COL6A6: variants seen among roughly 807,000 people sequenced by gnomAD.
The protein encoded by COL6A6 is collagen type VI alpha 6 chain.
COL6A6 carries 183 observed loss-of-function variants against 208.6 expected under a neutral mutation model. That is an observed-to-expected ratio of 0.88 (90% CI 0.78 to 0.99). COL6A6 has a LOEUF of 0.99. Among genes scored for constraint, COL6A6 ranks in the 50% least tolerant of loss-of-function variants. The pLI, the probability that COL6A6 is intolerant of heterozygous loss-of-function variation, is 0.00. For synonymous variants in COL6A6, 973 were observed against 1,011.8 expected, an observed-to-expected ratio of 0.96 and a Z score of 0.73; for missense variants, 2,816 against 2,815.2, an observed-to-expected ratio of 1.00 and a Z score of -0.01.
At chr3:130,521,587 C>T (rs576356157) in intron 1 of COL6A6, among the ~76,000 whole-genome samples, 5 of 152,210 alleles carry the variant, frequency 3.3e-5, no homozygotes, top group Non-Finnish European at 5.9e-5. Context: ...CTGCTGGCTA[C>T]AGATAATGTG....
At chr3:130,600,544 C>T (rs956961873) in intron 20 of COL6A6, among the ~76,000 whole-genome samples, 10 of 152,114 alleles carry the variant, frequency 6.6e-5, no homozygotes, top group African/African-American at 1.7e-4. Context: ...CATAAAAAGG[C>T]ATGAGATCAT....
intron 1 of COL6A6, among the ~76,000 whole-genome samples, chr3:130,521,640 G>A (rs1331471527): frequency 6.6e-6 from 1 of 152,188 alleles, no homozygotes; most frequent in Non-Finnish European, 1.5e-5. Flanking sequence ...TTCTTTTAGT[G>A]CATGCTGGAG....
chr3:130,634,581 C>G lies in COL6A6; in HGVS notation c.4993-9C>G. 3 of 1,603,754 alleles carry G rather than the reference C, an allele frequency of 1.9e-6. No individual in the cohort carries two copies. Among genetic ancestry groups the G allele is most frequent in the Non-Finnish European group, 2.6e-6 (3 of 1,174,356 alleles). On this transcript the variant is annotated splice_polypyrimidine_tract_variant and intron_variant, in intron 26 of 36. Transcript: ENST00000358511. ...TGCCTGTATAAATCTTTCCTCCTGTCCATTACAGGGACAAGAAGGATTCCC... is the reference window on the plus strand; with the variant it reads ...TGCCTGTATAAATCTTTCCTCCTGTGCATTACAGGGACAAGAAGGATTCCC...
rs1418154493 is a variant in COL6A6 at position 130,662,252 on chromosome 3, A to C, written c.6446A>C (p.Lys2149Thr). The C allele has an allele frequency of 6.2e-7, 1 of 1,614,020 alleles. No individual in the cohort carries two copies. Among genetic ancestry groups the C allele is most frequent in the Admixed American group, 1.7e-5 (1 of 60,030 alleles). Residue 2149 changes from lysine to threonine, a missense_variant, in exon 35 of 37, where the codon AAA becomes ACA. By Grantham distance (78) the Lys-to-Thr change is moderately conservative (BLOSUM62 -1). Coordinates refer to ENST00000358511, the MANE Select transcript of COL6A6 (RefSeq NM_001102608.3). ...HHLVQLGRIH[K>T]PDHSYGVKFV... The stretch of plus-strand genomic sequence containing the variant: ...CTGGTCCAGCTTGGCCGAATTCATA[A>C]ACCTGACCACAGTTATGGTGTGAAG...
Position 130,658,708 on chromosome 3 carries a change from G to C in COL6A6, c.5766G>C (p.Val1922=). The C allele has an allele frequency of 1.2e-6, 2 of 1,613,064 alleles. No homozygotes were observed. Among genetic ancestry groups the C allele is most frequent in the Non-Finnish European group, 1.7e-6 (2 of 1,179,522 alleles). The change falls in exon 34 of 37, where the codon GTG becomes GTC. Residue 1922 remains valine (V), a synonymous_variant. Transcript: ENST00000358511. ...IDDTGTFQVI[V]VPSGADYIPA... is the part of the protein sequence containing the mutation. ...ACACTGGCACATTTCAAGTAATAGT[G>C]GTTCCCTCCGGGGCCGACTACATAC...
chr3:130,582,447 T>C (rs1365878861), intron 10 of COL6A6, among the ~76,000 whole-genome samples: 1 of 152,168 alleles, frequency 6.6e-6, no homozygotes, highest in Non-Finnish European at 1.5e-5. Flanking sequence ...TGAGAGTCAG[T>C]TTTCTTCTAA....
chr3:130,595,806 T>C (rs531354872), intron 18 of COL6A6, among the ~76,000 whole-genome samples: 1 of 152,364 alleles, frequency 6.6e-6, no homozygotes, highest in African/African-American at 2.4e-5. Context: ...ATATTTATAT[T>C]GGGTCTATAT....
chr3:130,675,697 T>C lies in COL6A6; in HGVS notation c.*300T>C, dbSNP rs1287139611. 1 of 241,440 alleles carries C rather than the reference T, an allele frequency of 4.1e-6. No individual in the cohort carries two copies. Among genetic ancestry groups the C allele is most frequent in the Non-Finnish European group, 8.0e-6 (1 of 125,166 alleles). 15.0% of individuals were successfully genotyped at this position (241,440 alleles called of 1,614,324 possible). ...GTAAAATTTATATGATGTATGCATA[T>C]GTGTACATGGGTCAATGTTAATTCT... On this transcript the variant is annotated 3_prime_UTR_variant, in exon 37 of 37. Coordinates refer to ENST00000358511, the MANE Select transcript of COL6A6 (RefSeq NM_001102608.3).
intron 33 of COL6A6, among the ~76,000 whole-genome samples, chr3:130,653,882 C>T (rs767821103): frequency 2.6e-5 from 4 of 152,132 alleles, no homozygotes; most frequent in Non-Finnish European, 5.9e-5. Context: ...CCCCATAAAA[C>T]AACTCACTAG....
At chr3:130,622,476 A>G (rs1322289382) in intron 24 of COL6A6, among the ~76,000 whole-genome samples, 1 of 152,154 alleles carries the variant, frequency 6.6e-6, no homozygotes, top group East Asian at 1.9e-4. Context: ...ACAATCTATG[A>G]CATAAAATAA....
intron 20 of COL6A6, among the ~76,000 whole-genome samples, chr3:130,601,088 TA>T (rs2064003831): frequency 6.6e-6 from 1 of 152,194 alleles, no homozygotes; most frequent in Non-Finnish European, 1.5e-5. Flanking sequence ...GAGATAACTT[TA>T]ATAAAATATA....
At chr3:130,675,116 A>G in intron 36 of COL6A6, 86 bp from the exon 37 acceptor site, 2 of 880,034 alleles carry the variant, frequency 2.3e-6, no homozygotes, top group Non-Finnish European at 3.2e-6. Context: ...TGGGTGAAAC[A>G]ATTAATTTAC....
chr3:130,565,660 T>G (rs377462836), intron 4 of COL6A6, 46 bp downstream of exon 4: 28 of 1,538,052 alleles, frequency 1.8e-5, no homozygotes, highest in Non-Finnish European at 2.3e-5. Flanking sequence ...TCTTTTTTTC[T>G]TCTCTTTCAA....
chr3:130,546,972 C>T (rs1189505168), intron 1 of COL6A6, among the ~76,000 whole-genome samples: 3 of 152,266 alleles, frequency 2.0e-5, no homozygotes, highest in South Asian at 4.1e-4. Context: ...CTCCAAGTCC[C>T]CACCCAACTC....
intron 33 of COL6A6, among the ~76,000 whole-genome samples, chr3:130,652,244 C>T (rs2065666727): frequency 6.6e-6 from 1 of 152,130 alleles, no homozygotes; most frequent in Non-Finnish European, 1.5e-5. Flanking sequence ...ATAGAAAGAA[C>T]AAAAGTTTAA....
At chr3:130,581,496 T>C in intron 8 of COL6A6, 65 bp from the exon 9 acceptor site, 2 of 1,122,896 alleles carry the variant, frequency 1.8e-6, no homozygotes, top group Non-Finnish European at 2.6e-6. Flanking sequence ...GATTCAGACA[T>C]GGTGTCTGAG....
rs1418574599 is a variant in COL6A6 at position 130,581,893 on chromosome 3, G to T, written c.3880G>T (p.Ala1294Ser). The T allele has an allele frequency of 6.2e-7, 1 of 1,605,336 alleles. No individual in the cohort carries two copies. Among genetic ancestry groups the T allele is most frequent in the Admixed American group, 1.7e-5 (1 of 59,240 alleles). Residue 1294 changes from alanine to serine, a missense_variant, in exon 9 of 37, where the codon GCT (alanine) becomes TCT (serine). By Grantham distance (99) the Ala-to-Ser change is moderately conservative. Transcript: ENST00000358511. ...LWDTFQNKSA[A>S]RGKVVLLFSD... is the part of the protein sequence containing the mutation. ...GGATACATTTCAGAATAAATCAGCT[G>T]CTCGAGGAAAGGTAACATGGATTTA...
Position 130,642,978 on chromosome 3 carries a change from G to T in COL6A6, c.5191-9G>T. ...GTTTAATTGTTTCTGTTTTATTTTC[G>T]AACTGCAGACATGTGAGCTCATTCA... is the stretch of plus-strand genomic sequence containing the variant. On this transcript the variant is annotated splice_polypyrimidine_tract_variant and intron_variant, in intron 30 of 36. Coordinates refer to ENST00000358511, the MANE Select transcript of COL6A6 (RefSeq NM_001102608.3). The T allele has an allele frequency of 6.2e-7, 1 of 1,613,674 alleles. No homozygotes were observed. Among genetic ancestry groups the T allele is most frequent in the South Asian group, 1.1e-5 (1 of 91,056 alleles).
At chr3:130,533,790 T>TC (rs2062161976) in intron 1 of COL6A6, among the ~76,000 whole-genome samples, 2 of 152,230 alleles carry the variant, frequency 1.3e-5, no homozygotes, top group African/African-American at 2.4e-5. Context: ...CCTAAGCCTC[T>TC]CATCCAAGGA....
Sources: allele counts gnomAD v4.1 joint callset (sites outside exome capture counted in the v4.1 genomes callset), GRCh38; gene constraint gnomAD v4.1.1; transcripts MANE v1.5; gene names NCBI Gene and HGNC (gene_info 2026-07-23, HGNC 2026-07-21).